The following CACNG4 variants were observed in gnomAD, a reference collection of about 807,000 sequenced individuals.
The protein encoded by CACNG4 is voltage-dependent calcium channel gamma-4 subunit.
Under a neutral mutation model 22.9 loss-of-function variants are expected in CACNG4, and 8 were observed. The observed-to-expected ratio is 0.35, with a 90% CI of 0.21 to 0.63. CACNG4 has a LOEUF of 0.63. CACNG4 is among the 30% of genes least tolerant of loss of function. The probability of loss-of-function intolerance (pLI) is 0.72; values close to 1 mark genes in which losing one functional copy is unlikely to be tolerated. For missense variants in CACNG4, 357 were observed against 455.4 expected (o/e 0.78, Z 1.97); for synonymous variants, 188 against 191.9 (o/e 0.98, Z 0.17).
intron 1 of CACNG4, among the ~76,000 whole-genome samples, chr17:67,006,769 A>G (rs1428893157): frequency 6.6e-6 from 1 of 152,236 alleles, no homozygotes; most frequent in East Asian, 1.9e-4. Context: ...ATACCAAACT[A>G]AAAGAAAGAA....
intron 1 of CACNG4, among the ~76,000 whole-genome samples, chr17:66,995,162 G>A (rs1165995660): frequency 2.0e-5 from 3 of 152,126 alleles, no homozygotes; most frequent in Non-Finnish European, 2.9e-5. Context: ...CCACTGCCCC[G>A]GGTCGTGGCA....
chr17:67,013,946 A>G (rs1438789721), intron 1 of CACNG4, among the ~76,000 whole-genome samples: 2 of 152,236 alleles, frequency 1.3e-5, no homozygotes, highest in East Asian at 3.8e-4. Context: ...TGTTATTTAC[A>G]AAATAGTCAT....
intron 1 of CACNG4, among the ~76,000 whole-genome samples, chr17:67,001,153 G>T (rs1169285742): frequency 1.3e-5 from 2 of 152,118 alleles, no homozygotes; most frequent in Non-Finnish European, 2.9e-5. Context: ...ACACTCTCTT[G>T]CCTGCTGCCA....
In CACNG4 at chr17:67,013,883, A is replaced by T. The variant is rs16960481; in HGVS notation, c.221-4306A>T. Reference sequence around the variant, plus strand: ...GAAGGGATATACACGTGTGCAGACGAGCCTGTACCTGCTCATGAAGGGGCA... The same window carrying T: ...GAAGGGATATACACGTGTGCAGACGTGCCTGTACCTGCTCATGAAGGGGCA... On this transcript the variant is annotated intron_variant, in intron 1 of 3. Coordinates refer to ENST00000262138, the MANE Select transcript of CACNG4 (RefSeq NM_014405.4). Among the ~76,000 whole-genome samples, 11 of 152,160 alleles carry T rather than the reference A, an allele frequency of 7.2e-5. No individual in the cohort carries two copies. In the East Asian group the frequency reaches 2.1e-3, roughly 29 times the overall value.
intron 1 of CACNG4, among the ~76,000 whole-genome samples, chr17:66,974,236 A>G (rs1285688011): frequency 6.6e-6 from 1 of 152,192 alleles, no homozygotes; most frequent in African/African-American, 2.4e-5. Flanking sequence ...AGCTTCCTGG[A>G]GGCCAGGACA....
intron 2 of CACNG4, among the ~76,000 whole-genome samples, chr17:67,022,688 C>T (rs1453908850): frequency 9.8e-5 from 15 of 152,380 alleles, no homozygotes; most frequent in Non-Finnish European, 7.3e-5. Flanking sequence ...CCTGCCAGTG[C>T]GGCCCGACTC....
At chr17:66,978,859 G>T (rs2035254096) in intron 1 of CACNG4, among the ~76,000 whole-genome samples, 1 of 152,262 alleles carries the variant, frequency 6.6e-6, no homozygotes, top group African/African-American at 2.4e-5. Context: ...TCTGCCTGCG[G>T]ATTCCTGAGC....
intron 1 of CACNG4, among the ~76,000 whole-genome samples, chr17:66,965,540 G>A (rs2035164269): frequency 6.7e-6 from 1 of 149,732 alleles, no homozygotes; most frequent in African/African-American, 2.5e-5. Context: ...GCGGGAGGAG[G>A]CTGGGGTTGG....
intron 2 of CACNG4, chr17:67,021,813 G>A (rs1450271882): frequency 6.6e-6 from 1 of 152,312 alleles, no homozygotes; most frequent in Non-Finnish European, 1.5e-5. Context: ...CTTGTCTCCT[G>A]GCAGATGCAG....
intron 3 of CACNG4, among the ~76,000 whole-genome samples, chr17:67,028,803 T>C (rs1298425555): frequency 1.3e-5 from 2 of 152,310 alleles, no homozygotes; most frequent in East Asian, 3.9e-4. Context: ...ACCCCACCAG[T>C]GTGGCTCTGT....
intron 1 of CACNG4, among the ~76,000 whole-genome samples, chr17:66,988,922 G>T (rs1002077562): frequency 3.3e-5 from 5 of 152,044 alleles, no homozygotes; most frequent in Non-Finnish European, 7.4e-5. Context: ...TTAGCTAGTT[G>T]TGGTGGTAGG....
chr17:66,993,295 G>A (rs188663893), intron 1 of CACNG4, among the ~76,000 whole-genome samples: 2 of 152,364 alleles, frequency 1.3e-5, no homozygotes, highest in African/African-American at 4.8e-5. Context: ...AGTTGGAGAC[G>A]AAGCTCTGAG....
At chr17:66,969,817 G>T (rs1299200828) in intron 1 of CACNG4, among the ~76,000 whole-genome samples, 1 of 152,166 alleles carries the variant, frequency 6.6e-6, no homozygotes, top group Non-Finnish European at 1.5e-5. Flanking sequence ...ATTCAGAGAG[G>T]TTTCATCAAA....
chr17:66,999,560 G>A (rs545871656), intron 1 of CACNG4, among the ~76,000 whole-genome samples: 7 of 152,138 alleles, frequency 4.6e-5, no homozygotes, highest in African/African-American at 9.7e-5. Context: ...TTCACAAGGC[G>A]GCAGGAGACA....
chr17:66,981,370 C>G (rs886711743), intron 1 of CACNG4, among the ~76,000 whole-genome samples: 21 of 152,156 alleles, frequency 1.4e-4, no homozygotes, highest in African/African-American at 5.1e-4. Context: ...TAGCTGAAAA[C>G]AAAGCAATCA....
chr17:66,985,781 G>A (rs1003871748), intron 1 of CACNG4, among the ~76,000 whole-genome samples: 2 of 152,156 alleles, frequency 1.3e-5, no homozygotes, highest in Non-Finnish European at 2.9e-5. Flanking sequence ...CATCTGTTAC[G>A]ATTCTGTGTG....
intron 1 of CACNG4, among the ~76,000 whole-genome samples, chr17:66,976,606 G>A (rs1023716997): frequency 6.9e-5 from 10 of 144,618 alleles, no homozygotes; most frequent in African/African-American, 1.3e-4. Flanking sequence ...CCTCCCCATC[G>A]TCCCTCCTCC....
chr17:66,979,595 C>T (rs1290774489), intron 1 of CACNG4, among the ~76,000 whole-genome samples: 1 of 150,786 alleles, frequency 6.6e-6, no homozygotes, highest in African/African-American at 2.5e-5. Flanking sequence ...AGTGACTTAT[C>T]TGATCTCCTT....
At chr17:66,994,350 G>T (rs2035360713) in intron 1 of CACNG4, among the ~76,000 whole-genome samples, 1 of 149,802 alleles carries the variant, frequency 6.7e-6, no homozygotes, top group Admixed American at 6.6e-5. Flanking sequence ...AAAAAACTGC[G>T]CCTCCGCTAC....
Sources: gnomAD v4.1 joint callset for allele counts (sites outside exome capture counted in the v4.1 genomes callset) on GRCh38, gnomAD v4.1.1 for gene constraint, MANE v1.5 for transcripts, NCBI Gene and HGNC (gene_info 2026-07-23, HGNC 2026-07-21) for gene names.